The following ZNF85 variants were observed in gnomAD, a reference collection of about 807,000 sequenced individuals.
The protein encoded by ZNF85 is zinc finger protein 85, also known as zinc finger protein 85 (HPF4, HTF1).
A neutral mutation model predicts 53.9 loss-of-function variants in ZNF85; 50 were observed. The observed-to-expected ratio is 0.93, with a 90% CI of 0.74 to 1.17. ZNF85 has a LOEUF of 1.17. Among genes scored for constraint, ZNF85 ranks in the 50% most tolerant of loss-of-function variants. The pLI is 0.00. For missense variants in ZNF85, 747 were observed against 688.5 expected (o/e 1.08, Z -0.95); for synonymous variants, 225 against 226.1 (o/e 1.00, Z 0.04).
At chr19:20,936,230 T>C (rs1945090478) in intron 3 of ZNF85, among the ~76,000 whole-genome samples, 1 of 152,212 alleles carries the variant, frequency 6.6e-6, no homozygotes, top group Non-Finnish European at 1.5e-5. Context: ...TATATAAGAT[T>C]ATATGATCTA....
rs1973520569 is a variant in ZNF85, at chr19:20,949,594, T to G, written c.1080T>G (p.His360Gln). The G allele has an allele frequency of 6.3e-7, 1 of 1,597,618 alleles. No homozygotes were observed. ...AFNQSAHLTT[H>Q]EVIHTGEKPY... ...ACCAGTCTGCACACCTTACCACACATGAGGTAATTCATACTGGAGAGAAAC... is the reference window on the plus strand; with the variant it reads ...ACCAGTCTGCACACCTTACCACACAGGAGGTAATTCATACTGGAGAGAAAC... The change falls in exon 4 of 4, where the codon CAT becomes CAG. Residue 360 changes from histidine (H) to glutamine (Q), a missense_variant. By Grantham distance (24) the His-to-Gln change is conservative. Transcript: ENST00000328178.
At chr19:20,934,904 A>G in intron 2 of ZNF85, 45 bp from the exon 3 acceptor site, 1 of 1,381,784 alleles carries the variant, frequency 7.2e-7, no homozygotes, top group Non-Finnish European at 1.0e-6. Context: ...ATTGGTCATT[A>G]GAGAATATGA....
At chr19:20,940,597 G>A (rs1243963123) in intron 3 of ZNF85, among the ~76,000 whole-genome samples, 1 of 151,954 alleles carries the variant, frequency 6.6e-6, no homozygotes, top group Non-Finnish European at 1.5e-5. Flanking sequence ...TTATGCAAAA[G>A]ACTTCTAGAA....
intron 1 of ZNF85, among the ~76,000 whole-genome samples, chr19:20,928,969 T>A (rs1972943791): frequency 6.6e-6 from 1 of 152,126 alleles, no homozygotes; most frequent in Non-Finnish European, 1.5e-5. Flanking sequence ...TAGATTATTT[T>A]CTCACAGAGG....
intron 1 of ZNF85, 123 bp downstream of exon 1, chr19:20,923,526 T>C: frequency 6.6e-7 from 1 of 1,524,848 alleles, no homozygotes; most frequent in African/African-American, 1.4e-5. Context: ...CAGTTCTTTT[T>C]GCCCAGCTCG....
At chr19:20,932,745 AT>A (rs1450266053) in intron 1 of ZNF85, among the ~76,000 whole-genome samples, 2 of 152,330 alleles carry the variant, frequency 1.3e-5, no homozygotes, top group East Asian at 3.9e-4. Flanking sequence ...ATGATTTAAA[AT>A]TACTATTACA....
chr19:20,933,621 T>A (rs1176307029), intron 1 of ZNF85, among the ~76,000 whole-genome samples: 1 of 152,208 alleles, frequency 6.6e-6, no homozygotes, highest in East Asian at 1.9e-4. Context: ...CATTAAAATT[T>A]AAAAAGTACC....
chr19:20,931,100 A>G (rs1461654305), intron 1 of ZNF85, among the ~76,000 whole-genome samples: 1 of 152,192 alleles, frequency 6.6e-6, no homozygotes, highest in African/African-American at 2.4e-5. Context: ...TATTTGTACC[A>G]GAAGTATTTG....
intron 3 of ZNF85, chr19:20,945,767 G>C (rs1319451116): frequency 1.3e-5 from 2 of 152,214 alleles, no homozygotes; most frequent in African/African-American, 2.4e-5. Context: ...TTACAGGTTT[G>C]AGCCACCGCA....
intron 3 of ZNF85, among the ~76,000 whole-genome samples, chr19:20,938,740 C>T (rs112544932): frequency 0.012 from 1,889 of 152,096 alleles, 37 homozygotes; most frequent in African/African-American, 0.036. Context: ...GCAGGCAAAA[C>T]GGAATTATAG....
intron 3 of ZNF85, among the ~76,000 whole-genome samples, chr19:20,941,717 A>AT (rs1003018698): frequency 2.6e-4 from 39 of 152,268 alleles, no homozygotes; most frequent in African/African-American, 9.4e-4. Flanking sequence ...ATGATATGTG[A>AT]TTTGCAAATA....
chr19:20,928,326 C>G (rs1972928027), intron 1 of ZNF85: 1 of 152,144 alleles, frequency 6.6e-6, no homozygotes, highest in Non-Finnish European at 1.5e-5. Context: ...AGATTTGATA[C>G]CAGAAAAAAG....
Position 20,948,817 on chromosome 19 carries a change from G to A in ZNF85, c.303G>A (p.Leu101=), listed in dbSNP as rs748184477. ...AAGATTCTTTCCAAAAAGTGACACT[G>A]AAAAGATATGGAAAATGTAGACATG... ...NIKDSFQKVT[L]KRYGKCRHEN... The change falls in exon 4 of 4, where the codon CTG becomes CTA. Residue 101 remains leucine, a synonymous_variant. Coordinates refer to ENST00000328178, the MANE Select transcript of ZNF85 (RefSeq NM_003429.5). 4 of 1,611,652 alleles carry A rather than the reference G, an allele frequency of 2.5e-6. No homozygotes were observed. Among genetic ancestry groups the A allele is most frequent in the Non-Finnish European group, 3.4e-6 (4 of 1,179,338 alleles).
chr19:20,939,152 GAC>G, intron 3 of ZNF85, among the ~76,000 whole-genome samples: 1 of 152,232 alleles, frequency 6.6e-6, no homozygotes, highest in African/African-American at 2.4e-5. Flanking sequence ...TTGTTGTCTA[GAC>G]ACATTCTTTC....
At chr19:20,925,084 G>GAGC (rs1458804803) in intron 1 of ZNF85, among the ~76,000 whole-genome samples, 1 of 152,148 alleles carries the variant, frequency 6.6e-6, no homozygotes, top group Non-Finnish European at 1.5e-5. Flanking sequence ...CCTATCAAGG[G>GAGC]AGCAGGTAGA....
At chr19:20,932,048 T>C (rs1424551168) in intron 1 of ZNF85, among the ~76,000 whole-genome samples, 1 of 152,154 alleles carries the variant, frequency 6.6e-6, no homozygotes, top group African/African-American at 2.4e-5. Flanking sequence ...ATAAAGGACA[T>C]AAATGAGTGA....
chr19:20,950,361 C>A lies in ZNF85; in HGVS notation c.*59C>A. 1 of 1,235,764 alleles carries A rather than the reference C, an allele frequency of 8.1e-7. No homozygotes were observed. Among genetic ancestry groups the A allele is most frequent in the Non-Finnish European group, 1.1e-6 (1 of 904,814 alleles). 76.5% of individuals were successfully genotyped at this position (1,235,764 alleles called of 1,614,324 possible). ...CTTACTAAACATAAGAAAATTTATA[C>A]TGGAGAGAAACTACTAACCTGAAAG... On this transcript the variant is annotated 3_prime_UTR_variant, in exon 4 of 4. Transcript: ENST00000328178.
chr19:20,944,487 T>C (rs1194944009), intron 3 of ZNF85, among the ~76,000 whole-genome samples: 7 of 147,858 alleles, frequency 4.7e-5, no homozygotes, highest in African/African-American at 9.8e-5. Flanking sequence ...AATTATTATA[T>C]ATTTTTATAT....
chr19:20,930,802 C>A (rs571721432), intron 1 of ZNF85, among the ~76,000 whole-genome samples: 1 of 151,988 alleles, frequency 6.6e-6, no homozygotes. Context: ...GACAGAGTTT[C>A]GCTCTTGCTG....
Sources: allele counts gnomAD v4.1 joint callset (sites outside exome capture counted in the v4.1 genomes callset), GRCh38; gene constraint gnomAD v4.1.1; transcripts MANE v1.5; gene names NCBI Gene and HGNC (gene_info 2026-07-23, HGNC 2026-07-21).